ZBTB7C: variants seen among roughly 807,000 people sequenced by gnomAD.
ZBTB7C encodes zinc finger and BTB domain containing 7C.
A neutral mutation model predicts 25.7 loss-of-function variants in ZBTB7C; 8 were observed. The ratio of observed to expected loss-of-function variants is 0.31; its 90% CI spans 0.18 to 0.56. ZBTB7C has a LOEUF of 0.56. Ranked by LOEUF, ZBTB7C falls within the 20% of genes least tolerant of loss-of-function variation. The pLI is 0.91. For missense variants in ZBTB7C, 824 were observed against 855.2 expected (o/e 0.96, Z 0.46); for synonymous variants, 394 against 369.0 (o/e 1.07, Z -0.78).
intron 3 of ZBTB7C, among the ~76,000 whole-genome samples, chr18:48,091,502 T>C (rs2038415747): frequency 6.6e-6 from 1 of 152,194 alleles, no homozygotes; most frequent in Admixed American, 6.5e-5. Flanking sequence ...GGTGTTCACA[T>C]TTCAAGCACT....
In ZBTB7C at chr18:48,029,205, G is replaced by T; in HGVS notation, c.*55C>A. On this transcript the variant is annotated 3_prime_UTR_variant, in exon 5 of 5. Coordinates refer to ENST00000590800, the MANE Select transcript of ZBTB7C (RefSeq NM_001318841.2). ...CAGATCCATGGGGTAGGGTAGAGTGGGCCTGGAGGGAGAAGGACTGGAGGG... is the reference window on the plus strand; with the variant it reads ...CAGATCCATGGGGTAGGGTAGAGTGTGCCTGGAGGGAGAAGGACTGGAGGG... The T allele has an allele frequency of 6.7e-7, 1 of 1,497,194 alleles. No homozygotes were observed. The highest frequency in any genetic ancestry group is 1.3e-5 in the South Asian group (1 of 78,606). 92.7% of individuals were successfully genotyped at this position (1,497,194 alleles called of 1,614,324 possible).
chr18:48,286,344 A>G (rs1436034789), intron 2 of ZBTB7C, among the ~76,000 whole-genome samples: 1 of 152,094 alleles, frequency 6.6e-6, no homozygotes, highest in Non-Finnish European at 1.5e-5. Context: ...ATATTTTGAA[A>G]GTACAGAAAT....
chr18:48,124,993 C>T (rs1040714768), intron 3 of ZBTB7C, among the ~76,000 whole-genome samples: 6 of 152,182 alleles, frequency 3.9e-5, no homozygotes, highest in African/African-American at 7.2e-5. Context: ...GCAGGAGAAA[C>T]GCCACGGTCA....
intron 2 of ZBTB7C, among the ~76,000 whole-genome samples, chr18:48,249,016 A>T (rs1301267095): frequency 6.6e-6 from 1 of 152,242 alleles, no homozygotes; most frequent in African/African-American, 2.4e-5. Flanking sequence ...ATAAACAAAT[A>T]CATGGAGAAA....
At chr18:48,347,252 C>T (rs1000270256) in intron 1 of ZBTB7C, among the ~76,000 whole-genome samples, 12 of 132,144 alleles carry the variant, frequency 9.1e-5, no homozygotes, top group Non-Finnish European at 8.6e-5. Flanking sequence ...ACTACAGGCA[C>T]GCACCACCAT....
At chr18:48,375,146 G>A (rs1400263264) in intron 1 of ZBTB7C, among the ~76,000 whole-genome samples, 1 of 152,232 alleles carries the variant, frequency 6.6e-6, no homozygotes, top group Non-Finnish European at 1.5e-5. Context: ...TTGCTTGTGT[G>A]CACTCCCCCT....
At chr18:48,143,388 T>C (rs1198755448) in intron 3 of ZBTB7C, among the ~76,000 whole-genome samples, 10 of 152,176 alleles carry the variant, frequency 6.6e-5, no homozygotes, top group South Asian at 2.1e-4. Context: ...TAAGAGAACA[T>C]TTATGCACAG....
At chr18:48,369,516 A>C (rs2047337280) in intron 1 of ZBTB7C, among the ~76,000 whole-genome samples, 1 of 152,166 alleles carries the variant, frequency 6.6e-6, no homozygotes, top group African/African-American at 2.4e-5. Context: ...TCACTTTAAA[A>C]ATAACAATAT....
rs112330713 is a variant in ZBTB7C at position 48,319,376 on chromosome 18, C to T, written c.-79+18798G>A. Among the ~76,000 whole-genome samples, 1,054 of 152,178 alleles carry T rather than the reference C, an allele frequency of 6.9e-3. 10 individuals carry two copies. The highest frequency in any genetic ancestry group is 0.024 in the African/African-American group (1,007 of 41,502). On this transcript the variant is annotated intron_variant, in intron 2 of 4. Transcript: ENST00000590800. ...CCTTTTCTGTCTCAGTTTTCCTATC[C>T]GTTAAATGGGGTTAATAAAACACTC...
chr18:48,279,763 C>T (rs79973834), intron 2 of ZBTB7C, among the ~76,000 whole-genome samples: 1,700 of 152,334 alleles, frequency 0.011, 7 homozygotes, highest in Non-Finnish European at 0.016. Flanking sequence ...GGCTACACAT[C>T]AGCCCCACAT....
chr18:48,095,747 A>AAAATAAAATAAAATAAAATAAAATAAAAG (rs35953333), intron 3 of ZBTB7C, among the ~76,000 whole-genome samples: 2 of 89,924 alleles, frequency 2.2e-5, no homozygotes, highest in Admixed American at 1.8e-4. Flanking sequence ...TAAAATAAAA[A>AAAATAAAATAAAATAAAATAAAATAAAAG]TGGTTATTGG....
chr18:48,196,695 T>C (rs1392813845), intron 2 of ZBTB7C, among the ~76,000 whole-genome samples: 2 of 152,178 alleles, frequency 1.3e-5, no homozygotes, highest in Admixed American at 6.5e-5. Context: ...AGTCTTTTTT[T>C]TCTAGACCCA....
intron 3 of ZBTB7C, among the ~76,000 whole-genome samples, chr18:48,179,802 T>C (rs1568282264): frequency 7.3e-6 from 1 of 136,694 alleles, no homozygotes; most frequent in East Asian, 2.3e-4. Context: ...CTCCCTTCCT[T>C]CCTTATTTCC....
At position 48,029,797 on chromosome 18, in the gene ZBTB7C, G is replaced by C; in HGVS notation, c.1323C>G (p.Ile441Met). The C allele has an allele frequency of 6.2e-7, 1 of 1,608,868 alleles. No individual in the cohort carries two copies. The highest frequency in any genetic ancestry group is 8.5e-7 in the Non-Finnish European group (1 of 1,180,010). The change falls in exon 5 of 5, where the codon ATC (isoleucine) becomes ATG (methionine). Residue 441 changes from isoleucine to methionine, a missense_variant. Physicochemically the swap from Ile to Met is conservative, Grantham distance 10 (BLOSUM62 1). This residue lies in a region of ZBTB7C where 342 missense variants were observed against 307.0 expected (regional missense o/e 1.11). Transcript: ENST00000590800. The part of the protein sequence containing the change: ...HNYDLKNHMR[I>M]HTGVRPYQCE... Reference sequence around the variant, plus strand: ...ACTGGTAGGGCCGCACGCCCGTGTGGATGCGCATGTGGTTCTTGAGGTCGT... The same window carrying C: ...ACTGGTAGGGCCGCACGCCCGTGTGCATGCGCATGTGGTTCTTGAGGTCGT...
chr18:48,321,023 G>A (rs574622487), intron 2 of ZBTB7C, among the ~76,000 whole-genome samples: 37 of 152,342 alleles, frequency 2.4e-4, no homozygotes, highest in Non-Finnish European at 4.3e-4. Flanking sequence ...TATGTCAGTG[G>A]TTCTCTACCT....
Position 48,028,359 on chromosome 18 carries a change from G to C in ZBTB7C, c.*901C>G, listed in dbSNP as rs2035591713. On this transcript the variant is annotated 3_prime_UTR_variant, in exon 5 of 5. Transcript: ENST00000590800. Reference sequence around the variant, plus strand: ...TAGGGTAGCATTCTGAGTTCGCAGAGCTACCTGTGGGCTTTGCTGAAGCTC... The same window carrying C: ...TAGGGTAGCATTCTGAGTTCGCAGACCTACCTGTGGGCTTTGCTGAAGCTC... 6.6e-6 allele frequency: 1 copy of C among 152,204 alleles called. No homozygotes were observed. Among genetic ancestry groups the C allele is most frequent in the Admixed American group, 6.5e-5 (1 of 15,288 alleles). 9.4% of individuals were successfully genotyped at this position (152,204 alleles called of 1,614,324 possible). A position where few individuals can be genotyped will look rare whatever the true frequency, so the allele number is the denominator to read the frequency against.
At chr18:48,229,346 T>C (rs2043190485) in intron 2 of ZBTB7C, among the ~76,000 whole-genome samples, 1 of 152,230 alleles carries the variant, frequency 6.6e-6, no homozygotes, top group African/African-American at 2.4e-5. Flanking sequence ...TGGATAGTTA[T>C]ACATTTTCCA....
At chr18:48,265,772 T>C (rs78434343) in intron 2 of ZBTB7C, among the ~76,000 whole-genome samples, 8,428 of 152,202 alleles carry the variant, frequency 0.055, 523 homozygotes, top group African/African-American at 0.15. Flanking sequence ...ATTCAGTCCA[T>C]GGGAGACAGG....
At chr18:48,267,703 T>C (rs989016510) in intron 2 of ZBTB7C, among the ~76,000 whole-genome samples, 2 of 152,150 alleles carry the variant, frequency 1.3e-5, no homozygotes, top group African/African-American at 4.8e-5. Context: ...CATTAGGTCA[T>C]GAGGGTGGAG....
Sources: gnomAD v4.1 joint callset for allele counts (sites outside exome capture counted in the v4.1 genomes callset) on GRCh38, gnomAD v4.1.1 for gene constraint, gnomAD v4.1.1 regional missense constraint, MANE v1.5 for transcripts, NCBI Gene and HGNC (gene_info 2026-07-23, HGNC 2026-07-21) for gene names.